The following RPA2 variants were observed in gnomAD, a reference collection of about 807,000 sequenced individuals.
The protein encoded by RPA2 is replication protein A2.
RPA2 carries 22 observed loss-of-function variants against 33.4 expected under a neutral mutation model. The observed-to-expected ratio is 0.66, with a 90% confidence interval of 0.47 to 0.94. RPA2 has a LOEUF of 0.94. Ranked by LOEUF, RPA2 falls within the 40% of genes least tolerant of loss-of-function variation. RPA2 has a pLI of 0.00. For synonymous variants in RPA2, 109 were observed against 114.9 expected, an observed-to-expected ratio of 0.95 and a Z score of 0.33; for missense variants, 279 against 329.9, an observed-to-expected ratio of 0.85 and a Z score of 1.19.
chr1:27,912,002 G>A (rs1432490793), intron 2 of RPA2, among the ~76,000 whole-genome samples: 2 of 152,036 alleles, frequency 1.3e-5, no homozygotes, highest in Admixed American at 6.6e-5. Flanking sequence ...GCTGAGGCAG[G>A]AGAATGGCGT....
intron 2 of RPA2, among the ~76,000 whole-genome samples, chr1:27,911,681 T>C (rs2090098591): frequency 6.6e-6 from 1 of 152,204 alleles, no homozygotes. Flanking sequence ...TACTGTCTGA[T>C]TCTAGTTCCT....
At chr1:27,907,086 CCT>C (rs2090039088) in intron 3 of RPA2, 45 bp from the exon 4 acceptor site, 1 of 1,571,318 alleles carries the variant, frequency 6.4e-7, no homozygotes, top group Admixed American at 1.9e-5. Context: ...TCTGGTTCCC[CCT>C]GAAACCAAGG....
intron 8 of RPA2, among the ~76,000 whole-genome samples, chr1:27,893,492 T>C (rs2089850358): frequency 6.6e-6 from 1 of 151,924 alleles, no homozygotes; most frequent in Admixed American, 6.6e-5. Context: ...ATTGTTTTTG[T>C]AGAGACAAGC....
At chr1:27,912,109 G>A (rs2090104331) in intron 2 of RPA2, among the ~76,000 whole-genome samples, 1 of 151,502 alleles carries the variant, frequency 6.6e-6, no homozygotes, top group Admixed American at 6.6e-5. Flanking sequence ...AAAAAAGAAA[G>A]AAAGTTATAA....
At chr1:27,897,508 G>C (rs2089907985) in intron 5 of RPA2, 125 bp downstream of exon 5, 1 of 568,988 alleles carries the variant, frequency 1.8e-6, no homozygotes, top group South Asian at 3.5e-5. Context: ...CTTTTGAAGA[G>C]AGTAAGAAAT....
At chr1:27,897,971 C>G (rs1270853723) in intron 4 of RPA2, among the ~76,000 whole-genome samples, 1 of 152,180 alleles carries the variant, frequency 6.6e-6, no homozygotes, top group Non-Finnish European at 1.5e-5. Context: ...CACTCTCGTT[C>G]AAGCTCTTAG....
At chr1:27,914,759 C>T, upstream of RPA2, 1 of 1,339,946 alleles carries the variant, frequency 7.5e-7, no homozygotes, top group Non-Finnish European at 1.0e-6. Flanking sequence ...AAGCAAGGGG[C>T]TGGCAGAGCG....
intron 2 of RPA2, among the ~76,000 whole-genome samples, chr1:27,913,003 A>G (rs985204830): frequency 3.9e-5 from 6 of 152,094 alleles, no homozygotes; most frequent in African/African-American, 1.4e-4. Flanking sequence ...CCCAGGCTGG[A>G]GTGCAGTGGC....
intron 2 of RPA2, among the ~76,000 whole-genome samples, chr1:27,913,445 G>A (rs1174544751): frequency 6.6e-6 from 1 of 151,206 alleles, no homozygotes; most frequent in African/African-American, 2.4e-5. Context: ...AAAATTAGCC[G>A]GGCGTGGTGG....
chr1:27,914,331 C>T (rs1367351473), intron 1 of RPA2, 103 bp downstream of exon 1: 7 of 1,613,474 alleles, frequency 4.3e-6, no homozygotes, highest in African/African-American at 4.0e-5. Context: ...CCGCTCCCGC[C>T]CTTCCTCTCC....
At chr1:27,913,408 G>A (rs918431752) in intron 2 of RPA2, among the ~76,000 whole-genome samples, 3 of 151,120 alleles carry the variant, frequency 2.0e-5, no homozygotes, top group African/African-American at 7.3e-5. Context: ...GACCAACATG[G>A]AGAAACCCTG....
chr1:27,904,287 C>CATAT (rs1456814791), intron 4 of RPA2, among the ~76,000 whole-genome samples: 1 of 152,074 alleles, frequency 6.6e-6, no homozygotes. Context: ...CCTGTATGTA[C>CATAT]ATATATGCAG....
At chr1:27,909,258 T>C (rs2090068565) in intron 2 of RPA2, among the ~76,000 whole-genome samples, 1 of 152,316 alleles carries the variant, frequency 6.6e-6, no homozygotes, top group East Asian at 1.9e-4. Context: ...GTCGCAACTC[T>C]GACCTGAACA....
chr1:27,893,810 T>C (rs1384252532), intron 8 of RPA2, among the ~76,000 whole-genome samples: 3 of 151,160 alleles, frequency 2.0e-5, no homozygotes, highest in African/African-American at 7.3e-5. Flanking sequence ...GTTTTCACCA[T>C]GTTTGCCAGG....
chr1:27,897,797 G>T, intron 4 of RPA2, 90 bp from the exon 5 acceptor site: 1 of 916,598 alleles, frequency 1.1e-6, no homozygotes. Context: ...GAAAGAGAAA[G>T]TTACGAAGTA....
intron 2 of RPA2, among the ~76,000 whole-genome samples, chr1:27,910,074 T>A (rs2090079611): frequency 1.3e-5 from 2 of 152,178 alleles, no homozygotes; most frequent in Admixed American, 6.6e-5. Context: ...TTTTTACCTA[T>A]CACAGCTGAG....
chr1:27,902,795 G>A (rs2089983552), intron 4 of RPA2, among the ~76,000 whole-genome samples: 1 of 151,898 alleles, frequency 6.6e-6, no homozygotes, highest in Admixed American at 6.6e-5. Context: ...AAACTAACTG[G>A]GCACTCTCAT....
At chr1:27,897,410 A>G (rs2089906653) in intron 5 of RPA2, among the ~76,000 whole-genome samples, 1 of 152,120 alleles carries the variant, frequency 6.6e-6, no homozygotes, top group Non-Finnish European at 1.5e-5. Flanking sequence ...CGCCACAGAT[A>G]GCAATTGTAG....
chr1:27,907,945 C>A (rs755924697), intron 2 of RPA2, among the ~76,000 whole-genome samples: 6 of 151,954 alleles, frequency 3.9e-5, no homozygotes, highest in Admixed American at 2.0e-4. Context: ...GTCTCCCGGG[C>A]TCAAGCGATT....
Sources: gnomAD v4.1 joint callset for allele counts (sites outside exome capture counted in the v4.1 genomes callset) on GRCh38, gnomAD v4.1.1 for gene constraint, MANE v1.5 for transcripts, NCBI Gene and HGNC (gene_info 2026-07-23, HGNC 2026-07-21) for gene names.